PRKCE: variants seen among roughly 807,000 people sequenced by gnomAD.
PRKCE encodes the protein protein kinase C epsilon.
PRKCE carries 16 observed loss-of-function variants against 85.4 expected under a neutral mutation model. The ratio of observed to expected loss-of-function variants is 0.19; its 90% CI spans 0.13 to 0.28. The LOEUF (loss-of-function observed/expected upper bound fraction) is 0.28, where lower values mean the gene tolerates loss of function less well. Ranked by LOEUF, PRKCE falls within the 10% of genes least tolerant of loss-of-function variation. PRKCE has a pLI of 1.00. For missense variants in PRKCE, 573 were observed against 975.2 expected (o/e 0.59, Z 5.49); for synonymous variants, 388 against 371.5 (o/e 1.04, Z -0.51).
At chr2:46,101,143 C>T (rs1307699123) in intron 11 of PRKCE, among the ~76,000 whole-genome samples, 1 of 152,188 alleles carries the variant, frequency 6.6e-6, no homozygotes, top group Non-Finnish European at 1.5e-5. Flanking sequence ...TCTGGGATTA[C>T]AGGTGTGAGC....
In PRKCE at chr2:46,146,954, G is replaced by A. The variant is rs549272211; in HGVS notation, c.1731+1723G>A. Among the ~76,000 whole-genome samples the A allele has an allele frequency of 9.2e-5, 14 of 152,324 alleles. No homozygotes were observed. In the South Asian group the frequency reaches 1.9e-3, roughly 20 times the overall value. Reference sequence around the variant, plus strand: ...GGACCCACTCAGGGTTTCAGTGGAGGAGAGTCCTAGTCAGATCCATCCCAG... The same window carrying A: ...GGACCCACTCAGGGTTTCAGTGGAGAAGAGTCCTAGTCAGATCCATCCCAG... On this transcript the variant is annotated intron_variant, in intron 12 of 14. Coordinates refer to ENST00000306156, the MANE Select transcript of PRKCE (RefSeq NM_005400.3).
At chr2:45,996,221 G>C (rs1490437752) in intron 6 of PRKCE, among the ~76,000 whole-genome samples, 1 of 151,946 alleles carries the variant, frequency 6.6e-6, no homozygotes, top group Non-Finnish European at 1.5e-5. Flanking sequence ...TCTTCAATCT[G>C]GCTATAATCA....
At chr2:46,173,308 G>A (rs997431223) in intron 14 of PRKCE, among the ~76,000 whole-genome samples, 24 of 152,188 alleles carry the variant, frequency 1.6e-4, no homozygotes, top group African/African-American at 9.7e-5. Context: ...GTGGCAGAGC[G>A]GAGTGGTTAT....
At chr2:46,121,133 A>C (rs956839026) in intron 11 of PRKCE, among the ~76,000 whole-genome samples, 3 of 152,362 alleles carry the variant, frequency 2.0e-5, no homozygotes, top group African/African-American at 7.2e-5. Context: ...CAAACTTTTT[A>C]AAATGTCACT....
chr2:45,754,593 G>T (rs1683850839), intron 1 of PRKCE, among the ~76,000 whole-genome samples: 1 of 152,188 alleles, frequency 6.6e-6, no homozygotes, highest in Non-Finnish European at 1.5e-5. Flanking sequence ...CTGGTTTCAT[G>T]CCAGAAGTAT....
chr2:45,881,234 T>G (rs1272402124), intron 2 of PRKCE, among the ~76,000 whole-genome samples: 1 of 152,000 alleles, frequency 6.6e-6, no homozygotes, highest in Non-Finnish European at 1.5e-5. Flanking sequence ...CACCTTCTCC[T>G]GCTCTGTAGT....
chr2:46,054,664 C>T (rs192278741), intron 10 of PRKCE, among the ~76,000 whole-genome samples: 6 of 152,300 alleles, frequency 3.9e-5, no homozygotes, highest in East Asian at 1.9e-4. Flanking sequence ...CAGGGAAATT[C>T]GGGGCAGAAG....
intron 1 of PRKCE, among the ~76,000 whole-genome samples, chr2:45,711,256 C>T (rs1174109438): frequency 6.6e-6 from 1 of 152,170 alleles, no homozygotes; most frequent in Non-Finnish European, 1.5e-5. Context: ...ATTGTGAGGA[C>T]CAGAGTAATA....
chr2:45,826,002 C>G (rs889590421), intron 1 of PRKCE, among the ~76,000 whole-genome samples: 1 of 152,114 alleles, frequency 6.6e-6, no homozygotes, highest in East Asian at 1.9e-4. Context: ...TTAACAGAAG[C>G]AGGGCTTTTA....
At chr2:45,989,811 A>G (rs907682073) in intron 6 of PRKCE, among the ~76,000 whole-genome samples, 3 of 152,210 alleles carry the variant, frequency 2.0e-5, no homozygotes, top group African/African-American at 7.2e-5. Flanking sequence ...AGAGCACAAT[A>G]CATAAATACA....
chr2:45,933,781 G>A (rs1233994276), intron 2 of PRKCE, among the ~76,000 whole-genome samples: 1 of 152,106 alleles, frequency 6.6e-6, no homozygotes, highest in Admixed American at 6.6e-5. Context: ...CAGCATGCCT[G>A]CCTTTTTAAC....
At chr2:45,882,800 T>C (rs1329562629) in intron 2 of PRKCE, among the ~76,000 whole-genome samples, 3 of 152,282 alleles carry the variant, frequency 2.0e-5, no homozygotes, top group Non-Finnish European at 4.4e-5. Context: ...GTTTCTTAAA[T>C]GTTCACGTGT....
At chr2:45,896,951 G>A (rs920116336) in intron 2 of PRKCE, among the ~76,000 whole-genome samples, 12 of 152,046 alleles carry the variant, frequency 7.9e-5, no homozygotes, top group East Asian at 5.8e-4. Context: ...GAATATTTCC[G>A]CCTGTAGTCC....
intron 1 of PRKCE, among the ~76,000 whole-genome samples, chr2:45,654,712 T>C (rs909416968): frequency 2.0e-5 from 3 of 152,182 alleles, no homozygotes; most frequent in Non-Finnish European, 2.9e-5. Flanking sequence ...AAGCCCAAAG[T>C]CTGAAGGATG....
At chr2:45,977,136 AT>A (rs1702518226) in intron 3 of PRKCE, among the ~76,000 whole-genome samples, 1 of 152,000 alleles carries the variant, frequency 6.6e-6, no homozygotes, top group Non-Finnish European at 1.5e-5. Context: ...GCCTCAAGTG[AT>A]CCACCCACCT....
chr2:45,992,987 C>A (rs1316363967), intron 6 of PRKCE, among the ~76,000 whole-genome samples: 4 of 152,204 alleles, frequency 2.6e-5, no homozygotes, highest in Non-Finnish European at 5.9e-5. Context: ...CCTGGCAAAG[C>A]AGATCTATTT....
Position 46,010,985 on chromosome 2 carries a change from AC to A in PRKCE, c.1437+469del, listed in dbSNP as rs1201346602. On this transcript the variant is annotated intron_variant, in intron 10 of 14. Coordinates refer to ENST00000306156, the MANE Select transcript of PRKCE (RefSeq NM_005400.3). ...AATGCTTAAAATTTCATAGTGAAACACAAATATAAGGCAGCATTTTTAATTT... is the reference window on the plus strand; with the variant it reads ...AATGCTTAAAATTTCATAGTGAAACAAAATATAAGGCAGCATTTTTAATTT... The A allele has an allele frequency of 5.8e-6, 8 of 1,370,150 alleles. No individual in the cohort carries two copies. The Admixed American group carries it at 2.1e-4, about 36-fold the overall frequency. 84.9% of individuals were successfully genotyped at this position (1,370,150 alleles called of 1,614,324 possible).
intron 1 of PRKCE, among the ~76,000 whole-genome samples, chr2:45,830,606 C>A (rs1690344157): frequency 1.3e-5 from 2 of 152,110 alleles, no homozygotes; most frequent in Non-Finnish European, 2.9e-5. Context: ...AAGAGTATCT[C>A]CCACAAATTC....
At chr2:46,171,442 C>T (rs930154130) in intron 14 of PRKCE, among the ~76,000 whole-genome samples, 1 of 152,220 alleles carries the variant, frequency 6.6e-6, no homozygotes, top group African/African-American at 2.4e-5. Context: ...GAACTGGCAG[C>T]TTATGCTGGG....
Sources: gnomAD v4.1 joint callset for allele counts (sites outside exome capture counted in the v4.1 genomes callset) on GRCh38, gnomAD v4.1.1 for gene constraint, MANE v1.5 for transcripts, NCBI Gene and HGNC (gene_info 2026-07-23, HGNC 2026-07-21) for gene names.